Variants in ULK4 observed in about 807,000 individuals in gnomAD.
The protein encoded by ULK4 is unc-51 like kinase 4, also known as inactive serine/threonine-protein kinase ULK4.
ULK4 carries 133 observed loss-of-function variants against 160.6 expected under a neutral mutation model. The observed-to-expected ratio is 0.83, with a 90% CI of 0.72 to 0.96. ULK4 has a LOEUF of 0.96. Ranked by LOEUF, ULK4 falls within the 40% of genes least tolerant of loss-of-function variation. The probability of loss-of-function intolerance (pLI) is 0.00; values close to 1 mark genes in which losing one functional copy is unlikely to be tolerated. For synonymous variants in ULK4, 534 were observed against 539.8 expected (o/e 0.99, Z 0.15); for missense variants, 1,580 against 1,499.5 (o/e 1.05, Z -0.89).
intron 27 of ULK4, among the ~76,000 whole-genome samples, chr3:41,689,563 G>A (rs1257251890): frequency 6.6e-6 from 1 of 152,046 alleles, no homozygotes; most frequent in Non-Finnish European, 1.5e-5. Context: ...CTAATATCCA[G>A]CATCTACAAT....
intron 34 of ULK4, among the ~76,000 whole-genome samples, chr3:41,420,475 CTTTTTTTTT>C (rs1165381982): frequency 1.2e-4 from 5 of 41,182 alleles, no homozygotes; most frequent in African/African-American, 4.0e-4. Flanking sequence ...CCAGTTCTTT[CTTTTTTTTT>C]TTTTTTTTTT....
At chr3:41,574,871 G>A (rs2088133978) in intron 31 of ULK4, among the ~76,000 whole-genome samples, 3 of 152,274 alleles carry the variant, frequency 2.0e-5, no homozygotes, top group Admixed American at 2.0e-4. Context: ...TAAAGTGGTA[G>A]AGACTCTGTC....
chr3:41,958,572 A>C (rs931850072), intron 1 of ULK4, among the ~76,000 whole-genome samples: 3 of 151,492 alleles, frequency 2.0e-5, no homozygotes, highest in Admixed American at 6.6e-5. Flanking sequence ...ATTATCCAGG[A>C]ATGGTGGCGC....
chr3:41,298,668 T>C (rs569534405), intron 35 of ULK4, among the ~76,000 whole-genome samples: 2 of 152,220 alleles, frequency 1.3e-5, no homozygotes, highest in African/African-American at 2.4e-5. Flanking sequence ...CCTGGGAAGG[T>C]TGTGAACTTT....
At chr3:41,529,441 C>T (rs993851587) in intron 32 of ULK4, among the ~76,000 whole-genome samples, 13 of 152,170 alleles carry the variant, frequency 8.5e-5, no homozygotes, top group Non-Finnish European at 1.9e-4. Flanking sequence ...AGTTTAAACA[C>T]CTGATGAAAA....
rs1160242770 is a variant in ULK4 at position 41,583,644 on chromosome 3, C to T, written c.3121-17514G>A. On this transcript the variant is annotated intron_variant, in intron 31 of 36. Transcript: ENST00000301831. ...ACCTCAGGTATGGATCTGTCCTATG[C>T]TCCCAGTCACCTCACCTCCTCAGGC... Among the ~76,000 whole-genome samples the T allele has an allele frequency of 2.0e-5, 3 of 152,180 alleles. No homozygotes were observed. In the East Asian group the frequency reaches 5.8e-4, roughly 29 times the overall value.
At chr3:41,645,320 G>C (rs977203600) in intron 30 of ULK4, among the ~76,000 whole-genome samples, 23 of 151,832 alleles carry the variant, frequency 1.5e-4, no homozygotes, top group African/African-American at 5.6e-4. Context: ...GCTTTCTCTT[G>C]TGGGCATTTA....
At chr3:41,258,902 C>A (rs2078888712) in intron 35 of ULK4, among the ~76,000 whole-genome samples, 1 of 150,976 alleles carries the variant, frequency 6.6e-6, no homozygotes, top group Non-Finnish European at 1.5e-5. Flanking sequence ...GGAATTTGAG[C>A]TTAGAATTAA....
Position 41,463,231 on chromosome 3 carries a change from G to C in ULK4, c.3249C>G (p.Asn1083Lys), listed in dbSNP as rs2083738046. 1 of 1,613,110 alleles carries C rather than the reference G, an allele frequency of 6.2e-7. No individual in the cohort carries two copies. Among genetic ancestry groups the C allele is most frequent in the Non-Finnish European group, 8.5e-7 (1 of 1,179,486 alleles). Reference sequence around the variant, plus strand: ...ACAGTGTGGCAGTTTCAGTGAGCAGGTTACAGATGTGACTGACAAGTCCTG... The same window carrying C: ...ACAGTGTGGCAGTTTCAGTGAGCAGCTTACAGATGTGACTGACAAGTCCTG... ...YEQGLVSHIC[N>K]LLTETATLCL... Residue 1083 changes from asparagine to lysine, a missense_variant, in exon 33 of 37, where the codon AAC becomes AAG. Transcript: ENST00000301831.
intron 18 of ULK4, among the ~76,000 whole-genome samples, chr3:41,824,591 A>C (rs2041275573): frequency 6.6e-6 from 1 of 152,170 alleles, no homozygotes; most frequent in East Asian, 1.9e-4. Flanking sequence ...CTGAGATCAA[A>C]CTGCAAGGCA....
chr3:41,246,980 G>A lies in ULK4; in HGVS notation c.3777C>T (p.Asp1259=). 6.2e-7 allele frequency: 1 copy of A among 1,613,920 alleles called. No individual in the cohort carries two copies. Among genetic ancestry groups the A allele is most frequent in the Non-Finnish European group, 8.5e-7 (1 of 1,179,924 alleles). Reference sequence around the variant, plus strand: ...CCAGGGCCAAGGGAGCCACCGCACTGTCGGCAAATGAACTGTAAGAAAAAC... The same window carrying A: ...CCAGGGCCAAGGGAGCCACCGCACTATCGGCAAATGAACTGTAAGAAAAAC... ...RLAPGSGSFA[D]SAVAPLALEI... The change falls in exon 37 of 37, where the codon GAC becomes GAT. Residue 1259 remains aspartate (D), a synonymous_variant. Coordinates refer to ENST00000301831, the MANE Select transcript of ULK4 (RefSeq NM_017886.4).
At chr3:41,856,378 C>T (rs1188675376) in intron 17 of ULK4, among the ~76,000 whole-genome samples, 1 of 151,160 alleles carries the variant, frequency 6.6e-6, no homozygotes, top group Non-Finnish European at 1.5e-5. Context: ...TAATCAAACA[C>T]TGTGTCTGAT....
At chr3:41,937,931 A>C in intron 3 of ULK4, 167 bp downstream of exon 3, 1 of 435,270 alleles carries the variant, frequency 2.3e-6, no homozygotes, top group Admixed American at 4.1e-5. Context: ...TTGAATTTAC[A>C]TAATTCTTCT....
At chr3:41,560,547 G>C (rs922688657) in intron 32 of ULK4, among the ~76,000 whole-genome samples, 3 of 152,106 alleles carry the variant, frequency 2.0e-5, no homozygotes, top group Admixed American at 2.0e-4. Flanking sequence ...ATTGAGCAGT[G>C]GTTTGTAGTT....
chr3:41,742,072 C>T (rs1575635608), intron 22 of ULK4, among the ~76,000 whole-genome samples: 1 of 151,950 alleles, frequency 6.6e-6, no homozygotes, highest in African/African-American at 2.4e-5. Flanking sequence ...TCTGACAACA[C>T]ACCAACAGAA....
intron 29 of ULK4, among the ~76,000 whole-genome samples, chr3:41,664,697 A>T (rs562337791): frequency 2.6e-5 from 4 of 152,258 alleles, no homozygotes; most frequent in Admixed American, 2.0e-4. Flanking sequence ...AAGTTCCTAG[A>T]TGTCTAGCCA....
At chr3:41,313,047 C>T (rs747614580) in intron 35 of ULK4, among the ~76,000 whole-genome samples, 2 of 152,042 alleles carry the variant, frequency 1.3e-5, no homozygotes, top group Non-Finnish European at 2.9e-5. Flanking sequence ...GAAATGAACA[C>T]ATGCCAAAAA....
intron 35 of ULK4, among the ~76,000 whole-genome samples, chr3:41,292,462 T>A (rs1458522810): frequency 1.3e-5 from 2 of 152,052 alleles, no homozygotes. Flanking sequence ...CAGGCCAACA[T>A]GGCGAAACCC....
intron 21 of ULK4, among the ~76,000 whole-genome samples, chr3:41,758,754 T>A (rs1299745816): frequency 6.6e-6 from 1 of 151,680 alleles, no homozygotes; most frequent in Non-Finnish European, 1.5e-5. Flanking sequence ...GTGCCTGTAG[T>A]CCCAGCTACT....
Sources: gnomAD v4.1 joint callset for allele counts (sites outside exome capture counted in the v4.1 genomes callset) on GRCh38, gnomAD v4.1.1 for gene constraint, MANE v1.5 for transcripts, NCBI Gene and HGNC (gene_info 2026-07-23, HGNC 2026-07-21) for gene names.